The following CNTLN variants were observed in gnomAD, a reference collection of about 807,000 sequenced individuals.
CNTLN encodes centlein, centrosomal protein.
A neutral mutation model predicts 180.0 loss-of-function variants in CNTLN; 212 were observed. The observed-to-expected ratio is 1.18, with a 90% CI of 1.05 to 1.32. CNTLN has a LOEUF of 1.32. Ranked by LOEUF, CNTLN falls within the 40% of genes most tolerant of loss-of-function variation. The probability of loss-of-function intolerance (pLI) is 0.00; values close to 1 mark genes in which losing one functional copy is unlikely to be tolerated. For synonymous variants in CNTLN, 722 were observed against 563.1 expected (o/e 1.28, Z -3.99); for missense variants, 2,095 against 1,610.9 (o/e 1.30, Z -5.14).
At chr9:17,280,160 C>A (rs1388160731) in intron 6 of CNTLN, among the ~76,000 whole-genome samples, 1 of 152,146 alleles carries the variant, frequency 6.6e-6, no homozygotes, top group Admixed American at 6.6e-5. Context: ...AAAACAATCA[C>A]TAGTAACTGA....
At chr9:17,436,015 G>A (rs989115710) in intron 18 of CNTLN, among the ~76,000 whole-genome samples, 1 of 152,006 alleles carries the variant, frequency 6.6e-6, no homozygotes, top group African/African-American at 2.4e-5. Context: ...ACAAATAAAT[G>A]TATTTCCTTA....
intron 23 of CNTLN, among the ~76,000 whole-genome samples, chr9:17,482,252 T>C (rs1325626283): frequency 1.3e-5 from 2 of 151,900 alleles, no homozygotes; most frequent in Non-Finnish European, 2.9e-5. Context: ...GAAAAGTAAA[T>C]TAGAGGTATA....
intron 23 of CNTLN, among the ~76,000 whole-genome samples, chr9:17,483,494 G>A (rs55971987): frequency 0.74 from 112,425 of 152,172 alleles, 45,809 homozygotes; most frequent in Non-Finnish European, 0.89. Context: ...TAATATCTGA[G>A]CACCATTATT....
chr9:17,368,846 A>G (rs1313134486), intron 13 of CNTLN, among the ~76,000 whole-genome samples: 2 of 152,200 alleles, frequency 1.3e-5, no homozygotes, highest in African/African-American at 4.8e-5. Context: ...AAGTCCTTTC[A>G]AATACCGGAA....
chr9:17,469,797 C>T (rs1162565011), intron 23 of CNTLN, among the ~76,000 whole-genome samples: 1 of 141,504 alleles, frequency 7.1e-6, no homozygotes, highest in East Asian at 1.9e-4. Context: ...ATGAATCTGT[C>T]CTTTAACTCT....
intron 5 of CNTLN, among the ~76,000 whole-genome samples, chr9:17,242,468 G>C (rs1825553987): frequency 6.6e-6 from 1 of 152,066 alleles, no homozygotes; most frequent in African/African-American, 2.4e-5. Context: ...CCACCACTGG[G>C]CCTGGCTGAT....
intron 8 of CNTLN, among the ~76,000 whole-genome samples, chr9:17,329,153 G>C (rs1157357006): frequency 1.3e-5 from 2 of 151,834 alleles, no homozygotes; most frequent in Non-Finnish European, 2.9e-5. Flanking sequence ...CTAAGTTTTT[G>C]TTTGACCTTA....
chr9:17,276,560 T>G (rs1378252068), intron 6 of CNTLN, among the ~76,000 whole-genome samples: 3 of 152,098 alleles, frequency 2.0e-5, no homozygotes, highest in Admixed American at 6.6e-5. Flanking sequence ...TCACCCATTG[T>G]GCTAAAGGAT....
At chr9:17,165,716 A>T (rs986802763) in intron 2 of CNTLN, among the ~76,000 whole-genome samples, 2 of 152,236 alleles carry the variant, frequency 1.3e-5, no homozygotes, top group African/African-American at 4.8e-5. Flanking sequence ...AGCTATTATG[A>T]AAACTGGGGG....
intron 2 of CNTLN, among the ~76,000 whole-genome samples, chr9:17,196,090 C>G (rs1822111383): frequency 6.6e-6 from 1 of 152,104 alleles, no homozygotes; most frequent in African/African-American, 2.4e-5. Context: ...GTGGCGCCAT[C>G]TTAGCTCACT....
At chr9:17,190,979 C>A (rs1324259467) in intron 2 of CNTLN, among the ~76,000 whole-genome samples, 2 of 152,148 alleles carry the variant, frequency 1.3e-5, no homozygotes, top group Non-Finnish European at 2.9e-5. Flanking sequence ...GTTTTCAGTT[C>A]ATAATGCCCT....
At chr9:17,524,823 C>T in the CNTLN span, among the ~76,000 whole-genome samples, 1 of 152,090 alleles carries the variant, frequency 6.6e-6, no homozygotes, top group African/African-American at 2.4e-5. Context: ...CATGTATTTC[C>T]AAGTTTAGGC....
intron 6 of CNTLN, among the ~76,000 whole-genome samples, chr9:17,282,547 T>C (rs1341399800): frequency 1.3e-5 from 2 of 152,164 alleles, no homozygotes; most frequent in Non-Finnish European, 2.9e-5. Flanking sequence ...GCCTGTTCAC[T>C]TGATGATAGT....
At chr9:17,267,895 T>C (rs899177214) in intron 5 of CNTLN, among the ~76,000 whole-genome samples, 13 of 152,244 alleles carry the variant, frequency 8.5e-5, no homozygotes, top group African/African-American at 3.1e-4. Flanking sequence ...CATCAGGTTC[T>C]TTAAGGACTT....
intron 18 of CNTLN, among the ~76,000 whole-genome samples, chr9:17,416,921 C>G (rs191083133): frequency 6.3e-5 from 9 of 143,744 alleles, no homozygotes; most frequent in African/African-American, 2.4e-4. Context: ...CAATCACTGT[C>G]TCACATAATT....
intron 2 of CNTLN, among the ~76,000 whole-genome samples, chr9:17,144,597 C>T (rs182377876): frequency 1.3e-5 from 2 of 151,720 alleles, no homozygotes; most frequent in African/African-American, 4.8e-5. Flanking sequence ...GGTCATTTTC[C>T]TCATTCTTTA....
At chr9:17,143,263 C>T in intron 1 of CNTLN, 25 bp from the exon 2 acceptor site, 2 of 1,557,980 alleles carry the variant, frequency 1.3e-6, no homozygotes, top group Non-Finnish European at 1.8e-6. Context: ...AGCAATGCAT[C>T]TAAATTCTCT....
chr9:17,288,120 T>C (rs979230296), intron 6 of CNTLN, among the ~76,000 whole-genome samples: 3 of 130,944 alleles, frequency 2.3e-5, no homozygotes, highest in Admixed American at 7.5e-5. Context: ...TTTTGGATCT[T>C]TCCTGCTTTC....
In CNTLN at chr9:17,330,536, A is replaced by G. The variant is rs533907512; in HGVS notation, c.1342-96A>G. 4.8e-4 allele frequency: 313 copies of G among 651,924 alleles called. 1 individual carries two copies. Among genetic ancestry groups the G allele is most frequent in the Non-Finnish European group, 6.5e-4 (278 of 429,828 alleles). 40.4% of individuals were successfully genotyped at this position (651,924 alleles called of 1,614,324 possible). ...AAAATTTCCTTCTCTGAATATTTAC[A>G]ATTTCTATAATATAGTGTTACATTT... On this transcript the variant is annotated intron_variant, in intron 8 of 25. Transcript: ENST00000380647.
Sources: allele counts gnomAD v4.1 joint callset (sites outside exome capture counted in the v4.1 genomes callset), GRCh38; gene constraint gnomAD v4.1.1; transcripts MANE v1.5; gene names NCBI Gene and HGNC (gene_info 2026-07-23, HGNC 2026-07-21).